Variants in PDE6D observed in about 807,000 individuals in gnomAD.
PDE6D encodes the protein phosphodiesterase 6D.
PDE6D carries 10 observed loss-of-function variants against 21.9 expected under a neutral mutation model. The observed-to-expected ratio is 0.46, with a 90% CI of 0.28 to 0.78. The LOEUF (loss-of-function observed/expected upper bound fraction) is 0.78. Among genes scored for constraint, PDE6D ranks in the 30% least tolerant of loss-of-function variants. The pLI, the probability that PDE6D is intolerant of heterozygous loss-of-function variation, is 0.12. For missense variants in PDE6D, 139 were observed against 184.8 expected (o/e 0.75, Z 1.44); for synonymous variants, 59 against 63.5 (o/e 0.93, Z 0.34).
intron 1 of PDE6D, among the ~76,000 whole-genome samples, chr2:231,763,780 C>A (rs1276327921): frequency 2.6e-5 from 4 of 151,678 alleles, no homozygotes; most frequent in Non-Finnish European, 5.9e-5. Flanking sequence ...GGACTACAGG[C>A]ATGTGCCACC....
intron 1 of PDE6D, among the ~76,000 whole-genome samples, chr2:231,763,805 T>C (rs1359601347): frequency 6.6e-6 from 1 of 151,694 alleles, no homozygotes; most frequent in Non-Finnish European, 1.5e-5. Flanking sequence ...CTGGATAATT[T>C]TTAATTTTTG....
intron 4 of PDE6D, among the ~76,000 whole-genome samples, chr2:231,734,862 A>C (rs930051718): frequency 6.0e-5 from 9 of 149,886 alleles, no homozygotes; most frequent in African/African-American, 1.7e-4. Flanking sequence ...AAAAAACAAA[A>C]AAAAAAACCC....
chr2:231,773,568 T>C (rs2049031162), intron 1 of PDE6D, among the ~76,000 whole-genome samples: 3 of 152,204 alleles, frequency 2.0e-5, no homozygotes, highest in African/African-American at 2.4e-5. Context: ...AGTGAGTAAA[T>C]AGAAGATGTA....
intron 4 of PDE6D, among the ~76,000 whole-genome samples, chr2:231,736,198 C>CAAAACA (rs1209207363): frequency 6.6e-6 from 1 of 151,940 alleles, no homozygotes; most frequent in Admixed American, 6.6e-5. Flanking sequence ...AAACAAAACC[C>CAAAACA]AAAACAAAAA....
At chr2:231,769,569 T>C (rs936864472) in intron 1 of PDE6D, among the ~76,000 whole-genome samples, 1 of 151,348 alleles carries the variant, frequency 6.6e-6, no homozygotes, top group African/African-American at 2.4e-5. Context: ...TATATACACA[T>C]ACACACACAG....
intron 1 of PDE6D, among the ~76,000 whole-genome samples, chr2:231,759,412 A>AT (rs1168283098): frequency 1.3e-5 from 2 of 152,128 alleles, no homozygotes; most frequent in African/African-American, 4.8e-5. Flanking sequence ...GGAATAACAC[A>AT]TTTTTCAGGG....
intron 1 of PDE6D, among the ~76,000 whole-genome samples, chr2:231,776,349 C>T (rs1451895812): frequency 7.0e-6 from 1 of 143,646 alleles, no homozygotes; most frequent in African/African-American, 2.6e-5. Flanking sequence ...AAAAAGAGTA[C>T]TGTGACAAAT....
intron 1 of PDE6D, 40 bp downstream of exon 1, chr2:231,781,024 TC>T: frequency 6.3e-7 from 1 of 1,579,272 alleles, no homozygotes; most frequent in Non-Finnish European, 8.7e-7. Context: ...AGCGGCCGCC[TC>T]CCAAGTCCTC....
intron 1 of PDE6D, among the ~76,000 whole-genome samples, chr2:231,744,668 G>A (rs1452441005): frequency 6.6e-6 from 1 of 151,998 alleles, no homozygotes; most frequent in Admixed American, 6.6e-5. Flanking sequence ...CCCAACCTGA[G>A]GTGATCTGCC....
intron 1 of PDE6D, among the ~76,000 whole-genome samples, chr2:231,754,222 C>T (rs2048865090): frequency 6.6e-6 from 1 of 152,172 alleles, no homozygotes; most frequent in Non-Finnish European, 1.5e-5. Flanking sequence ...AGGCTGGCTA[C>T]AAGTGCCCCA....
At chr2:231,735,742 G>A (rs1476177447) in intron 4 of PDE6D, among the ~76,000 whole-genome samples, 1 of 151,928 alleles carries the variant, frequency 6.6e-6, no homozygotes, top group African/African-American at 2.4e-5. Flanking sequence ...TTTAAAAAGG[G>A]GCTGGGCACG....
At chr2:231,745,992 A>G (rs2048790804) in intron 1 of PDE6D, among the ~76,000 whole-genome samples, 2 of 152,198 alleles carry the variant, frequency 1.3e-5, no homozygotes, top group African/African-American at 4.8e-5. Context: ...AGAAAACAGG[A>G]TAATAAAATG....
chr2:231,756,030 A>T (rs1309567587), intron 1 of PDE6D, among the ~76,000 whole-genome samples: 1 of 152,200 alleles, frequency 6.6e-6, no homozygotes, highest in Non-Finnish European at 1.5e-5. Context: ...AAGAGGTAAA[A>T]ATGTGATGAC....
At chr2:231,734,444 A>G (rs765882708) in intron 4 of PDE6D, among the ~76,000 whole-genome samples, 1 of 140,088 alleles carries the variant, frequency 7.1e-6, no homozygotes, top group Non-Finnish European at 1.6e-5. Flanking sequence ...AATGAAGTTT[A>G]ATAAAATCTA....
chr2:231,773,429 G>A (rs2049030392), intron 1 of PDE6D, among the ~76,000 whole-genome samples: 1 of 152,094 alleles, frequency 6.6e-6, no homozygotes, highest in Non-Finnish European at 1.5e-5. Flanking sequence ...CTATATTATG[G>A]GAAATAATAA....
intron 1 of PDE6D, among the ~76,000 whole-genome samples, chr2:231,742,352 A>T (rs1018722249): frequency 6.6e-6 from 1 of 152,098 alleles, no homozygotes; most frequent in African/African-American, 2.4e-5. Context: ...CAAACTCCCG[A>T]CCTCAGGTGA....
chr2:231,749,020 T>C (rs1298222257), intron 1 of PDE6D, among the ~76,000 whole-genome samples: 2 of 152,182 alleles, frequency 1.3e-5, no homozygotes, highest in African/African-American at 4.8e-5. Context: ...AATGTGGGGT[T>C]GGAGCCCCCA....
chr2:231,738,979 A>C (rs2106261850), intron 2 of PDE6D, 121 bp downstream of exon 2: 1 of 660,000 alleles, frequency 1.5e-6, no homozygotes, highest in Middle Eastern at 4.2e-4. Context: ...CACATGGATT[A>C]ACATGCTGTG....
chr2:231,771,293 A>G (rs907870002), intron 1 of PDE6D, among the ~76,000 whole-genome samples: 2 of 152,164 alleles, frequency 1.3e-5, no homozygotes, highest in African/African-American at 4.8e-5. Context: ...TTAAAACTCA[A>G]AATTAATAAT....
Sources: gnomAD v4.1 joint callset for allele counts (sites outside exome capture counted in the v4.1 genomes callset) on GRCh38, gnomAD v4.1.1 for gene constraint, MANE v1.5 for transcripts, NCBI Gene and HGNC (gene_info 2026-07-23, HGNC 2026-07-21) for gene names.